The following KIAA1958 variants were observed in gnomAD, a reference collection of about 807,000 sequenced individuals.
KIAA1958 encodes uncharacterized protein KIAA1958.
Under a neutral mutation model 47.2 loss-of-function variants are expected in KIAA1958, and 14 were observed. That is an observed-to-expected ratio of 0.30 (90% CI 0.20 to 0.46). KIAA1958 has a LOEUF of 0.46. KIAA1958 is among the 20% of genes least tolerant of loss of function. The pLI is 1.00. For missense variants in KIAA1958, 803 were observed against 909.2 expected (o/e 0.88, Z 1.50); for synonymous variants, 354 against 353.3 (o/e 1.00, Z -0.02).
intron 1 of KIAA1958, among the ~76,000 whole-genome samples, chr9:112,528,126 T>G (rs1452930028): frequency 6.6e-6 from 1 of 152,048 alleles, no homozygotes; most frequent in Non-Finnish European, 1.5e-5. Context: ...TTCTGCCTAA[T>G]CCCTGCCCCC....
intron 2 of KIAA1958, among the ~76,000 whole-genome samples, chr9:112,610,583 T>G (rs146357478): frequency 6.6e-6 from 1 of 152,136 alleles, no homozygotes. Context: ...GCAAATCACC[T>G]TAAAAGCTTG....
chr9:112,580,350 A>G (rs895580723), intron 2 of KIAA1958, among the ~76,000 whole-genome samples: 2 of 152,140 alleles, frequency 1.3e-5, no homozygotes, highest in East Asian at 3.8e-4. Context: ...GGCAGTGTAT[A>G]TTGGAAAAGT....
At chr9:112,605,932 C>G (rs1190906418) in intron 2 of KIAA1958, among the ~76,000 whole-genome samples, 1 of 152,134 alleles carries the variant, frequency 6.6e-6, no homozygotes, top group African/African-American at 2.4e-5. Flanking sequence ...GCCAGTTTGT[C>G]CAAGATTTTC....
At chr9:112,652,212 C>T (rs1456339215) in intron 3 of KIAA1958, among the ~76,000 whole-genome samples, 1 of 152,160 alleles carries the variant, frequency 6.6e-6, no homozygotes, top group African/African-American at 2.4e-5. Context: ...AGCCCCATGA[C>T]CAGTCTTTGA....
In KIAA1958 at chr9:112,667,094, A is replaced by T. The variant is rs1837360180; in HGVS notation, c.*7025A>T. ...GAGACCCATAAAATCAGGCAATAGGAAGGAAAAGGATGCTGCTTCAATAGA... is the reference window on the plus strand; with the variant it reads ...GAGACCCATAAAATCAGGCAATAGGTAGGAAAAGGATGCTGCTTCAATAGA... On this transcript the variant is annotated 3_prime_UTR_variant, in exon 4 of 4. Transcript: ENST00000337530. 6.6e-6 allele frequency: 1 copy of T among 152,182 alleles called. No individual in the cohort carries two copies. Among genetic ancestry groups the T allele is most frequent in the Non-Finnish European group, 1.5e-5 (1 of 68,032 alleles). The allele number at this position is 152,182 out of a possible 1,614,324, so 9.4% of individuals were successfully genotyped here.
chr9:112,521,567 A>G (rs1834544840), intron 1 of KIAA1958, among the ~76,000 whole-genome samples: 1 of 152,078 alleles, frequency 6.6e-6, no homozygotes, highest in Non-Finnish European at 1.5e-5. Flanking sequence ...TTTCTCTTAG[A>G]TTATCATGTT....
At chr9:112,504,520 C>T (rs1342634940) in intron 1 of KIAA1958, among the ~76,000 whole-genome samples, 3 of 152,196 alleles carry the variant, frequency 2.0e-5, no homozygotes, top group African/African-American at 7.2e-5. Flanking sequence ...CCTTATTTTA[C>T]AGATGGGGAA....
At chr9:112,544,035 AGCCTTGTCT>A (rs1834988710) in intron 1 of KIAA1958, among the ~76,000 whole-genome samples, 1 of 152,140 alleles carries the variant, frequency 6.6e-6, no homozygotes, top group Non-Finnish European at 1.5e-5. Context: ...ATGGATGGTA[AGCCTTGTCT>A]ATGTCTCTAT....
intron 2 of KIAA1958, chr9:112,619,059 C>G (rs1471943697): frequency 2.4e-6 from 2 of 831,474 alleles, no homozygotes; most frequent in Admixed American, 1.0e-4. Flanking sequence ...TTTCTTTTTA[C>G]AAATAAGCCA....
intron 2 of KIAA1958, among the ~76,000 whole-genome samples, chr9:112,637,382 T>C (rs1048772480): frequency 5.3e-5 from 8 of 152,132 alleles, no homozygotes; most frequent in Non-Finnish European, 7.4e-5. Context: ...CCTTTATTTT[T>C]ATTTTATTTT....
intron 2 of KIAA1958, among the ~76,000 whole-genome samples, chr9:112,597,235 A>C (rs1836047829): frequency 6.6e-6 from 1 of 152,184 alleles, no homozygotes; most frequent in Non-Finnish European, 1.5e-5. Context: ...TGATTACTAC[A>C]TGCAAAATAG....
At chr9:112,658,877 G>A (rs989417549) in intron 3 of KIAA1958, among the ~76,000 whole-genome samples, 24 of 148,780 alleles carry the variant, frequency 1.6e-4, no homozygotes, top group Non-Finnish European at 3.1e-4. Context: ...AAAATTAGCC[G>A]GGCGTGGTGG....
intron 1 of KIAA1958, among the ~76,000 whole-genome samples, chr9:112,571,540 T>A (rs900479556): frequency 3.3e-5 from 5 of 152,162 alleles, no homozygotes; most frequent in African/African-American, 4.8e-5. Flanking sequence ...AATATTTTAG[T>A]GAGCACATTG....
At chr9:112,547,087 C>CTG (rs1459212618) in intron 1 of KIAA1958, among the ~76,000 whole-genome samples, 1 of 151,972 alleles carries the variant, frequency 6.6e-6, no homozygotes, top group Non-Finnish European at 1.5e-5. Context: ...CGCATGCCAC[C>CTG]ACTCCCTGGC....
intron 2 of KIAA1958, among the ~76,000 whole-genome samples, chr9:112,599,534 A>C (rs1836092525): frequency 6.6e-6 from 1 of 152,224 alleles, no homozygotes; most frequent in Non-Finnish European, 1.5e-5. Context: ...CAACATGTAT[A>C]GGTTGTTGAG....
At position 112,664,962 on chromosome 9, in the gene KIAA1958, T is replaced by G. The variant is rs1417943787; in HGVS notation, c.*4893T>G. 1 of 152,204 alleles carries G rather than the reference T, an allele frequency of 6.6e-6. No individual in the cohort carries two copies. The highest frequency in any genetic ancestry group is 1.5e-5 in the Non-Finnish European group (1 of 68,036). The allele number at this position is 152,204 out of a possible 1,614,324, so 9.4% of individuals were successfully genotyped here. A position where few individuals can be genotyped will look rare whatever the true frequency, so the allele number is the denominator to read the frequency against. On this transcript the variant is annotated 3_prime_UTR_variant, in exon 4 of 4. Coordinates refer to ENST00000337530, the MANE Select transcript of KIAA1958 (RefSeq NM_133465.4). ...TTTGAATATTCCTTGTTCATTACAG[T>G]CCAGAAAATCTGCAGAAGTTCTCCA...
At chr9:112,585,238 CATT>C (rs1220718026) in intron 2 of KIAA1958, among the ~76,000 whole-genome samples, 2 of 152,168 alleles carry the variant, frequency 1.3e-5, no homozygotes, top group Admixed American at 6.5e-5. Flanking sequence ...TCAAGGATAT[CATT>C]GTTTATAAAA....
intron 2 of KIAA1958, among the ~76,000 whole-genome samples, chr9:112,638,006 A>G (rs886845578): frequency 2.0e-5 from 3 of 152,062 alleles, no homozygotes; most frequent in African/African-American, 2.4e-5. Flanking sequence ...AAAATTAGCC[A>G]GGTGTGGTGC....
intron 2 of KIAA1958, among the ~76,000 whole-genome samples, chr9:112,637,122 CTTAT>C (rs968893095): frequency 7.2e-5 from 11 of 152,240 alleles, no homozygotes; most frequent in Admixed American, 6.5e-4. Flanking sequence ...TTCAGTTACC[CTTAT>C]TTGTGTTATT....
Sources: allele counts gnomAD v4.1 joint callset (sites outside exome capture counted in the v4.1 genomes callset), GRCh38; gene constraint gnomAD v4.1.1; transcripts MANE v1.5; gene names NCBI Gene and HGNC (gene_info 2026-07-23, HGNC 2026-07-21).